The following CDH4 variants were observed in gnomAD, a reference collection of about 807,000 sequenced individuals.
The protein encoded by CDH4 is cadherin 4, also known as cadherin-4.
In CDH4, 33 loss-of-function variants were observed where a neutral mutation model predicts 86.0. The observed-to-expected ratio is 0.38, with a 90% CI of 0.29 to 0.51. The LOEUF is 0.51. CDH4 is among the 20% of genes least tolerant of loss of function. The pLI is 0.86. For missense variants in CDH4, 1,114 were observed against 1,307.4 expected (o/e 0.85, Z 2.28); for synonymous variants, 555 against 549.4 (o/e 1.01, Z -0.14).
rs570805194 is a variant in CDH4, at chr20:61,915,074, C to T, written c.1374+4467C>T. ...TCACCCCCATCTCACTTGGTCCTCA[C>T]GCCCACCAAGGAGGTGCTATTCTTG... is the stretch of plus-strand genomic sequence containing the variant. On this transcript the variant is annotated intron_variant, in intron 9 of 15. Transcript: ENST00000614565. Among the ~76,000 whole-genome samples, 22 of 152,350 alleles carry T rather than the reference C, an allele frequency of 1.4e-4. No homozygotes were observed. In the East Asian group the frequency reaches 3.1e-3, roughly 21 times the overall value.
intron 4 of CDH4, among the ~76,000 whole-genome samples, chr20:61,814,315 G>C (rs565647981): frequency 2.6e-4 from 39 of 152,350 alleles, no homozygotes; most frequent in South Asian, 1.0e-3. Context: ...CTGCTAGGAA[G>C]TAGGGGCAGG....
At chr20:61,689,142 A>T (rs1474915132) in intron 2 of CDH4, among the ~76,000 whole-genome samples, 1 of 152,248 alleles carries the variant, frequency 6.6e-6, no homozygotes, top group Non-Finnish European at 1.5e-5. Context: ...AAGTCTAAGT[A>T]ACGCAGTTGG....
intron 3 of CDH4, among the ~76,000 whole-genome samples, chr20:61,753,534 TC>T (rs1041347324): frequency 1.8e-4 from 27 of 152,128 alleles, no homozygotes; most frequent in African/African-American, 5.3e-4. Context: ...GCAAATGAGG[TC>T]ACATATTTCC....
intron 2 of CDH4, among the ~76,000 whole-genome samples, chr20:61,379,634 A>G (rs974923082): frequency 1.3e-5 from 2 of 152,000 alleles, no homozygotes; most frequent in Non-Finnish European, 2.9e-5. Flanking sequence ...GAAATCCACA[A>G]ATGGAGGGGA....
At chr20:61,565,433 CT>C (rs2086290342) in intron 2 of CDH4, among the ~76,000 whole-genome samples, 1 of 143,230 alleles carries the variant, frequency 7.0e-6, no homozygotes, top group Admixed American at 7.2e-5. Context: ...TGTTGCTGTT[CT>C]CTGTGAGGCC....
chr20:61,565,256 G>GGTGCTC (rs1600764161), intron 2 of CDH4, among the ~76,000 whole-genome samples: 3 of 95,808 alleles, frequency 3.1e-5, no homozygotes, highest in Non-Finnish European at 4.5e-5. Flanking sequence ...TGCTCTTGGT[G>GGTGCTC]ATGGTGGTGG....
chr20:61,462,674 C>G (rs376574401), intron 2 of CDH4, among the ~76,000 whole-genome samples: 2 of 152,200 alleles, frequency 1.3e-5, no homozygotes, highest in African/African-American at 2.4e-5. Flanking sequence ...GGGGCTCCCC[C>G]CTCTCCCTCC....
chr20:61,693,590 C>T (rs932461599), intron 2 of CDH4, among the ~76,000 whole-genome samples: 4 of 152,370 alleles, frequency 2.6e-5, no homozygotes, highest in African/African-American at 9.6e-5. Context: ...GTCCGCTCCA[C>T]TGCAGCCTTT....
At chr20:61,477,794 G>A (rs545839755) in intron 2 of CDH4, among the ~76,000 whole-genome samples, 1 of 152,174 alleles carries the variant, frequency 6.6e-6, no homozygotes, top group Non-Finnish European at 1.5e-5. Flanking sequence ...GTCTTTCCCC[G>A]AGGGAGAATG....
intron 2 of CDH4, among the ~76,000 whole-genome samples, chr20:61,526,170 C>A (rs546930508): frequency 1.3e-5 from 2 of 151,526 alleles, no homozygotes; most frequent in African/African-American, 2.4e-5. Context: ...GCTGGTGCCC[C>A]TCCCCCTCCC....
At chr20:61,900,400 G>A (rs1240161148) in intron 8 of CDH4, among the ~76,000 whole-genome samples, 1 of 152,190 alleles carries the variant, frequency 6.6e-6, no homozygotes. Context: ...GAGCACAGAG[G>A]TGGCAGCCGC....
chr20:61,872,944 G>A (rs1359025862), intron 6 of CDH4, among the ~76,000 whole-genome samples: 1 of 152,222 alleles, frequency 6.6e-6, no homozygotes, highest in Admixed American at 6.5e-5. Flanking sequence ...CCACAGGGTG[G>A]GGCGTGCTGA....
intron 7 of CDH4, among the ~76,000 whole-genome samples, chr20:61,874,812 T>C (rs982436060): frequency 2.0e-5 from 3 of 152,198 alleles, no homozygotes; most frequent in Non-Finnish European, 2.9e-5. Flanking sequence ...TCTGAGGCAT[T>C]TGGCTCCCAG....
intron 2 of CDH4, among the ~76,000 whole-genome samples, chr20:61,669,845 T>A (rs1039847383): frequency 1.3e-5 from 2 of 152,224 alleles, no homozygotes; most frequent in Middle Eastern, 3.4e-3. Flanking sequence ...AAATAAATTG[T>A]ATAAATCTAT....
At position 61,517,020 on chromosome 20, in the gene CDH4, G is replaced by T. The variant is rs982937742; in HGVS notation, c.170-226543G>T. Among the ~76,000 whole-genome samples the T allele has an allele frequency of 6.6e-6, 1 of 152,186 alleles. No individual in the cohort carries two copies. Among genetic ancestry groups the T allele is most frequent in the Admixed American group, 6.5e-5 (1 of 15,282 alleles). ...GATTAGTACCCAACCAGACAGCTCTGCACAGACTGCAGAGCCCAGTGTGGC... is the reference window on the plus strand; with the variant it reads ...GATTAGTACCCAACCAGACAGCTCTTCACAGACTGCAGAGCCCAGTGTGGC... On this transcript the variant is annotated intron_variant, in intron 2 of 15. Transcript: ENST00000614565. This position sits in a 1 kb window ranked among gnomAD's most constrained non-coding sequence, Gnocchi z 6.6.
At chr20:61,776,721 G>T (rs1398521675) in intron 4 of CDH4, among the ~76,000 whole-genome samples, 1 of 152,202 alleles carries the variant, frequency 6.6e-6, no homozygotes, top group African/African-American at 2.4e-5. Context: ...AGGTTGGTGG[G>T]CAGGGCGAGG....
chr20:61,462,833 G>T (rs2085451317), intron 2 of CDH4, among the ~76,000 whole-genome samples: 2 of 152,182 alleles, frequency 1.3e-5, no homozygotes, highest in Admixed American at 1.3e-4. Flanking sequence ...AAAGGAGGGA[G>T]GTGGACAGTC....
At chr20:61,616,138 C>A (rs2086723441) in intron 2 of CDH4, among the ~76,000 whole-genome samples, 1 of 152,206 alleles carries the variant, frequency 6.6e-6, no homozygotes, top group African/African-American at 2.4e-5. Flanking sequence ...GGGGCACAGG[C>A]AGGGAGACTG....
At chr20:61,555,945 A>C (rs1368508967) in intron 2 of CDH4, among the ~76,000 whole-genome samples, 1 of 152,196 alleles carries the variant, frequency 6.6e-6, no homozygotes, top group African/African-American at 2.4e-5. Context: ...TTGATTCTAC[A>C]TTAAAAATGG....
Sources: allele counts gnomAD v4.1 joint callset (sites outside exome capture counted in the v4.1 genomes callset), GRCh38; gene constraint gnomAD v4.1.1; non-coding constraint Gnocchi (gnomAD v3.1); transcripts MANE v1.5; gene names NCBI Gene and HGNC (gene_info 2026-07-23, HGNC 2026-07-21).